Variants in DHRSX observed in about 807,000 individuals in gnomAD.
DHRSX encodes the protein dehydrogenase/reductase X-linked, also known as polyprenol dehydrogenase.
Under a neutral mutation model 34.0 loss-of-function variants are expected in DHRSX, and 31 were observed. The ratio of observed to expected loss-of-function variants is 0.91; its 90% confidence interval spans 0.69 to 1.23. The LOEUF (loss-of-function observed/expected upper bound fraction) is 1.23. Among genes scored for constraint, DHRSX ranks in the 50% most tolerant of loss-of-function variants. The pLI, the probability that DHRSX is intolerant of heterozygous loss-of-function variation, is 0.00. For missense variants in DHRSX, 414 were observed against 428.1 expected, an observed-to-expected ratio of 0.97 and a Z score of 0.29; for synonymous variants, 201 against 183.8, an observed-to-expected ratio of 1.09 and a Z score of -0.76.
At chrX:2,252,612 T>A (rs1005091793) in intron 5 of DHRSX, among the ~76,000 whole-genome samples, 1 of 152,044 alleles carries the variant, frequency 6.6e-6, no homozygotes, top group South Asian at 2.1e-4. Flanking sequence ...AATGGAGGGG[T>A]TGGTTCTGTA....
chrX:2,224,192 T>C (rs988198173), intron 6 of DHRSX, among the ~76,000 whole-genome samples: 1 of 152,212 alleles, frequency 6.6e-6, no homozygotes, highest in Non-Finnish European at 1.5e-5. Context: ...CCGACCTGTG[T>C]CTTGACCATG....
chrX:2,335,345 G>A (rs954292865), intron 3 of DHRSX, among the ~76,000 whole-genome samples: 1 of 151,858 alleles, frequency 6.6e-6, no homozygotes, highest in Non-Finnish European at 1.5e-5. Flanking sequence ...ATGTTGAGAG[G>A]TACACTGGTT....
intron 1 of DHRSX, among the ~76,000 whole-genome samples, chrX:2,475,304 C>A (rs1335520821): frequency 6.6e-6 from 1 of 151,780 alleles, no homozygotes; most frequent in Admixed American, 6.6e-5. Context: ...GGCTAAGGGA[C>A]TGCCACCAAG....
chrX:2,282,988 G>A (rs1265991220), intron 4 of DHRSX, among the ~76,000 whole-genome samples: 1 of 151,586 alleles, frequency 6.6e-6, no homozygotes, highest in Non-Finnish European at 1.5e-5. Flanking sequence ...GAGGAAAAGT[G>A]AGACAGTGAA....
intron 1 of DHRSX, chrX:2,487,368 CTTTTG>C (rs67311651): frequency 0.17 from 25,754 of 151,892 alleles, 2,871 homozygotes; most frequent in East Asian, 0.55. Flanking sequence ...GAGCCACCCA[CTTTTG>C]TTTTGTTTTG....
At chrX:2,235,786 T>C (rs2015999724) in intron 6 of DHRSX, among the ~76,000 whole-genome samples, 1 of 146,982 alleles carries the variant, frequency 6.8e-6, no homozygotes, top group African/African-American at 2.5e-5. Context: ...GCACCTGTAC[T>C]CTTTAAATTT....
At chrX:2,223,703 G>A (rs1378669875) in intron 6 of DHRSX, among the ~76,000 whole-genome samples, 3 of 151,710 alleles carry the variant, frequency 2.0e-5, no homozygotes, top group East Asian at 1.9e-4. Context: ...AGCCTTCAAC[G>A]CAGAAAGAGG....
At chrX:2,398,670 C>CT (rs34876710) in intron 3 of DHRSX, among the ~76,000 whole-genome samples, 64,773 of 129,826 alleles carry the variant, frequency 0.5, 17,038 homozygotes, top group African/African-American at 0.62. Context: ...ATGCATATTC[C>CT]TTTTTTTTTT....
At chrX:2,355,231 G>T (rs1328247105) in intron 3 of DHRSX, among the ~76,000 whole-genome samples, 3 of 152,096 alleles carry the variant, frequency 2.0e-5, no homozygotes, top group Non-Finnish European at 4.4e-5. Flanking sequence ...ATATTATCAG[G>T]CCGGGCACAA....
At chrX:2,434,561 C>T (rs1457711741) in intron 1 of DHRSX, among the ~76,000 whole-genome samples, 11 of 152,298 alleles carry the variant, frequency 7.2e-5, no homozygotes, top group Non-Finnish European at 1.3e-4. Flanking sequence ...GTCCCAGCTA[C>T]CCTGGAGGCT....
chrX:2,474,596 C>G lies in DHRSX; in HGVS notation c.109+26221G>C, dbSNP rs180974279. 9.0e-3 allele frequency among the ~76,000 whole-genome samples: 1,357 copies of G among 150,760 alleles called. 10 individuals are homozygous for G. Among genetic ancestry groups the G allele is most frequent in the Non-Finnish European group, 0.014 (962 of 67,624 alleles). ...GTGCATACTGAAGACGATCCCTAAG[C>G]TTGTGGCTAAGGGACGGCGGCCATC... On this transcript the variant is annotated intron_variant, in intron 1 of 6. Transcript: ENST00000334651.
At chrX:2,408,940 T>G in intron 2 of DHRSX, 127 bp from the exon 3 acceptor site, 2 of 800,554 alleles carry the variant, frequency 2.5e-6, no homozygotes, top group South Asian at 1.7e-5. Flanking sequence ...TGATGGACTT[T>G]CCCTTTATCC....
chrX:2,489,751 C>T (rs1784291268), intron 1 of DHRSX: 1 of 1,613,200 alleles, frequency 6.2e-7, no homozygotes, highest in Admixed American at 1.7e-5. Context: ...CGGCAGACTG[C>T]TGGAAGTACT....
intron 3 of DHRSX, among the ~76,000 whole-genome samples, chrX:2,358,258 G>C (rs1259744853): frequency 2.6e-5 from 4 of 152,048 alleles, no homozygotes; most frequent in Non-Finnish European, 5.9e-5. Flanking sequence ...CTATGCATCT[G>C]ATAAAGGTTT....
chrX:2,321,042 C>A (rs767729228), intron 3 of DHRSX, among the ~76,000 whole-genome samples: 1 of 152,256 alleles, frequency 6.6e-6, no homozygotes, highest in Non-Finnish European at 1.5e-5. Flanking sequence ...TGTGCCACTT[C>A]AGCCGAACAC....
chrX:2,419,447 A>G (rs1320690128), intron 2 of DHRSX, among the ~76,000 whole-genome samples: 3 of 152,092 alleles, frequency 2.0e-5, no homozygotes, highest in Non-Finnish European at 4.4e-5. Context: ...ATACCATTTG[A>G]CCCAGCCATC....
At chrX:2,450,004 C>G (rs2044194328) in intron 1 of DHRSX, among the ~76,000 whole-genome samples, 1 of 152,050 alleles carries the variant, frequency 6.6e-6, no homozygotes, top group African/African-American at 2.4e-5. Context: ...AATACTAACA[C>G]AGATTACCGA....
chrX:2,426,052 T>C (rs1241382515), intron 1 of DHRSX, among the ~76,000 whole-genome samples: 1 of 150,506 alleles, frequency 6.6e-6, no homozygotes, highest in East Asian at 2.0e-4. Context: ...GGCTGGGGGG[T>C]GGATTCTGGA....
intron 5 of DHRSX, among the ~76,000 whole-genome samples, chrX:2,259,401 T>TAGATAG (rs1226902870): frequency 7.8e-6 from 1 of 128,864 alleles, no homozygotes; most frequent in African/African-American, 2.9e-5. Context: ...TATAGATATA[T>TAGATAG]ATATAGATAT....
Sources: gnomAD v4.1 joint callset for allele counts (sites outside exome capture counted in the v4.1 genomes callset) on GRCh38, gnomAD v4.1.1 for gene constraint, MANE v1.5 for transcripts, NCBI Gene and HGNC (gene_info 2026-07-23, HGNC 2026-07-21) for gene names.